Variants in ELP3 observed in about 807,000 individuals in gnomAD.
ELP3 encodes elongator acetyltransferase complex subunit 3.
In ELP3, 56 loss-of-function variants were observed where a neutral mutation model predicts 74.9. The observed-to-expected ratio is 0.75, with a 90% confidence interval of 0.60 to 0.93. ELP3 has a LOEUF of 0.93. Ranked by LOEUF, ELP3 falls within the 40% of genes least tolerant of loss-of-function variation. ELP3 has a pLI of 0.00. For synonymous variants in ELP3, 222 were observed against 239.8 expected (o/e 0.93, Z 0.68); for missense variants, 573 against 686.5 (o/e 0.83, Z 1.85).
At chr8:28,174,925 G>A (rs35393937) in intron 14 of ELP3, among the ~76,000 whole-genome samples, 26,892 of 152,012 alleles carry the variant, frequency 0.18, 2,558 homozygotes, top group East Asian at 0.26. Flanking sequence ...ATTCTTGATT[G>A]GCAGATTTAC....
At chr8:28,160,511 G>C (rs1356373705) in intron 13 of ELP3, 55 bp downstream of exon 13, 1 of 1,496,554 alleles carries the variant, frequency 6.7e-7, no homozygotes, top group Non-Finnish European at 9.2e-7. Context: ...AGTAGGAAAA[G>C]AGAAAAGGAA....
intron 6 of ELP3, among the ~76,000 whole-genome samples, chr8:28,112,108 A>G (rs995083218): frequency 1.3e-5 from 2 of 151,962 alleles, no homozygotes; most frequent in African/African-American, 2.4e-5. Context: ...GATTTGTATC[A>G]TTCTCTCCAC....
intron 14 of ELP3, among the ~76,000 whole-genome samples, chr8:28,186,052 A>G (rs2130621675): frequency 6.6e-6 from 1 of 152,350 alleles, no homozygotes; most frequent in South Asian, 2.1e-4. Flanking sequence ...CCTTGAAGAC[A>G]TTGTGCTAAG....
chr8:28,111,773 G>T (rs189488718), intron 6 of ELP3, among the ~76,000 whole-genome samples: 5 of 152,346 alleles, frequency 3.3e-5, no homozygotes. Context: ...ATAGAGCAGT[G>T]ATTCTTTTCT....
At chr8:28,138,267 C>T (rs73668105) in intron 10 of ELP3, among the ~76,000 whole-genome samples, 4,197 of 152,070 alleles carry the variant, frequency 0.028, 214 homozygotes, top group African/African-American at 0.097. Flanking sequence ...TGTTCTAGAG[C>T]CTCTGAAAGA....
intron 7 of ELP3, among the ~76,000 whole-genome samples, chr8:28,127,348 G>A (rs1450719634): frequency 6.6e-6 from 1 of 152,012 alleles, no homozygotes; most frequent in African/African-American, 2.4e-5. Context: ...ATGCCACCAC[G>A]CTTGCTAACT....
At chr8:28,120,610 T>C (rs543241026) in intron 7 of ELP3, among the ~76,000 whole-genome samples, 4 of 152,358 alleles carry the variant, frequency 2.6e-5, no homozygotes, top group African/African-American at 9.6e-5. Flanking sequence ...TTGTCTCTAA[T>C]AAACCATTGC....
At chr8:28,106,456 C>T (rs953056332) in intron 3 of ELP3, among the ~76,000 whole-genome samples, 3 of 146,574 alleles carry the variant, frequency 2.0e-5, no homozygotes, top group African/African-American at 5.0e-5. Context: ...AGGAGAATGG[C>T]GTGAACCCGG....
At chr8:28,164,285 T>G (rs1585733123) in intron 14 of ELP3, among the ~76,000 whole-genome samples, 1 of 152,216 alleles carries the variant, frequency 6.6e-6, no homozygotes, top group Non-Finnish European at 1.5e-5. Context: ...AATCAGCATC[T>G]GCCCTCTTTC....
intron 10 of ELP3, among the ~76,000 whole-genome samples, chr8:28,148,417 T>A (rs1490388061): frequency 6.6e-6 from 1 of 152,188 alleles, no homozygotes; most frequent in African/African-American, 2.4e-5. Flanking sequence ...CAGGTCAATA[T>A]AGCATGCCTA....
At chr8:28,092,917 T>G (rs1035697453), upstream of ELP3, 5 of 537,704 alleles carry the variant, frequency 9.3e-6, no homozygotes, top group African/African-American at 1.9e-5. Context: ...ATAGCTGTAC[T>G]GCCCAGGTCG....
intron 7 of ELP3, among the ~76,000 whole-genome samples, chr8:28,121,666 G>A (rs1260484974): frequency 2.6e-5 from 4 of 151,942 alleles, no homozygotes; most frequent in African/African-American, 9.7e-5. Context: ...ATATACATAC[G>A]GTTGATTTTT....
At chr8:28,163,924 C>T (rs1029188001) in intron 14 of ELP3, among the ~76,000 whole-genome samples, 2 of 152,150 alleles carry the variant, frequency 1.3e-5, no homozygotes, top group South Asian at 4.1e-4. Flanking sequence ...TGTCTTCAGA[C>T]CACACTTTGT....
chr8:28,112,913 T>C (rs566179249), intron 6 of ELP3, 106 bp from the exon 7 acceptor site: 1 of 1,049,140 alleles, frequency 9.5e-7, no homozygotes, highest in East Asian at 2.7e-5. Context: ...CTTCTGATTT[T>C]TAAACTGTAC....
intron 10 of ELP3, among the ~76,000 whole-genome samples, chr8:28,144,390 G>A (rs1813354058): frequency 6.6e-6 from 1 of 152,140 alleles, no homozygotes; most frequent in South Asian, 2.1e-4. Context: ...CAGGTAGATC[G>A]CTTGAGCCTA....
rs1814118951 is a variant in ELP3 at position 28,162,087 on chromosome 8, G to A, written c.1567+9G>A. Reference sequence around the variant, plus strand: ...AATCGCTGTGATATCAGGTAACTGGGGGAGGGCGAAGTTCATGATTCCTTC... The same window carrying A: ...AATCGCTGTGATATCAGGTAACTGGAGGAGGGCGAAGTTCATGATTCCTTC... On this transcript the variant is annotated intron_variant, in intron 14 of 14. Coordinates refer to ENST00000256398, the MANE Select transcript of ELP3 (RefSeq NM_018091.6). The A allele has an allele frequency of 1.2e-6, 2 of 1,614,014 alleles. No individual in the cohort carries two copies. The highest frequency in any genetic ancestry group is 1.1e-5 in the South Asian group (1 of 91,060).
chr8:28,127,479 T>G (rs1812624877), intron 7 of ELP3, among the ~76,000 whole-genome samples: 1 of 152,156 alleles, frequency 6.6e-6, no homozygotes, highest in Non-Finnish European at 1.5e-5. Context: ...CTTTCTGGGG[T>G]TTTTTGGTAC....
intron 11 of ELP3, among the ~76,000 whole-genome samples, chr8:28,158,254 T>G (rs1360318000): frequency 6.6e-6 from 1 of 152,172 alleles, no homozygotes; most frequent in Non-Finnish European, 1.5e-5. Flanking sequence ...TGTTTCTTAC[T>G]TTTATGACTT....
intron 14 of ELP3, among the ~76,000 whole-genome samples, chr8:28,172,792 T>C (rs1258221013): frequency 6.6e-6 from 1 of 152,122 alleles, no homozygotes; most frequent in Non-Finnish European, 1.5e-5. Context: ...ATATGGCCTT[T>C]ACAATGTTAA....
Sources: allele counts gnomAD v4.1 joint callset (sites outside exome capture counted in the v4.1 genomes callset), GRCh38; gene constraint gnomAD v4.1.1; transcripts MANE v1.5; gene names NCBI Gene and HGNC (gene_info 2026-07-23, HGNC 2026-07-21).